The following C12orf42 variants were observed in gnomAD, a reference collection of about 807,000 sequenced individuals.
C12orf42 encodes the protein chromosome 12 open reading frame 42, also known as uncharacterized protein C12orf42.
A neutral mutation model predicts 21.6 loss-of-function variants in C12orf42; 25 were observed. The observed-to-expected ratio is 1.16, with a 90% CI of 0.84 to 1.62. The LOEUF is 1.62. C12orf42 is among the 40% of genes most tolerant of loss of function. The pLI, the probability that C12orf42 is intolerant of heterozygous loss-of-function variation, is 0.00. For synonymous variants in C12orf42, 174 were observed against 175.0 expected, an observed-to-expected ratio of 0.99 and a Z score of 0.05; for missense variants, 483 against 459.3, an observed-to-expected ratio of 1.05 and a Z score of -0.47.
the C12orf42 span, among the ~76,000 whole-genome samples, chr12:103,126,096 G>T: frequency 2.0e-5 from 3 of 152,200 alleles, no homozygotes; most frequent in Non-Finnish European, 4.4e-5. Context: ...GAAAGTGGTG[G>T]CAGGAATTGA....
At chr12:103,426,467 G>A (rs996098653) in intron 2 of C12orf42, among the ~76,000 whole-genome samples, 1 of 152,176 alleles carries the variant, frequency 6.6e-6, no homozygotes, top group African/African-American at 2.4e-5. Context: ...TATGTGAAAA[G>A]ACCAAACCTA....
At chr12:103,174,603 C>T in the C12orf42 span, among the ~76,000 whole-genome samples, 3 of 146,996 alleles carry the variant, frequency 2.0e-5, no homozygotes, top group Non-Finnish European at 3.1e-5. Flanking sequence ...TAATCGCCAA[C>T]CAACGTTCCC....
At chr12:103,179,319 G>A in the C12orf42 span, among the ~76,000 whole-genome samples, 3 of 152,218 alleles carry the variant, frequency 2.0e-5, no homozygotes, top group East Asian at 5.8e-4. Flanking sequence ...ACCCAGAGTG[G>A]TTTGTGGCTA....
At chr12:103,089,350 C>G in the C12orf42 span, among the ~76,000 whole-genome samples, 1 of 152,098 alleles carries the variant, frequency 6.6e-6, no homozygotes, top group Non-Finnish European at 1.5e-5. Flanking sequence ...AATTTTGAGG[C>G]AATTCATTTG....
the C12orf42 span, among the ~76,000 whole-genome samples, chr12:103,563,458 G>C: frequency 6.6e-6 from 1 of 152,186 alleles, no homozygotes; most frequent in Non-Finnish European, 1.5e-5. Context: ...AGTTTTCACT[G>C]CATAACAAAT....
chr12:103,263,988 T>C (rs780604615), downstream of C12orf42, among the ~76,000 whole-genome samples: 2 of 152,198 alleles, frequency 1.3e-5, no homozygotes, highest in Non-Finnish European at 2.9e-5. Flanking sequence ...CCATTGGACC[T>C]GAAATGTAAG....
At chr12:103,482,674 G>A (rs79312508) in intron 1 of C12orf42, among the ~76,000 whole-genome samples, 1,751 of 152,110 alleles carry the variant, frequency 0.012, 28 homozygotes, top group African/African-American at 0.035. Context: ...GGTTTCAGTC[G>A]TTATCTCCTT....
chr12:103,167,919 T>C, the C12orf42 span: 1 of 375,416 alleles, frequency 2.7e-6, no homozygotes, highest in Admixed American at 2.9e-5. Flanking sequence ...TGTGTTTGTG[T>C]CTGTGTGTGT....
At chr12:103,503,970 A>AC in the C12orf42 span, 1 of 154,626 alleles carries the variant, frequency 6.5e-6, no homozygotes, top group Non-Finnish European at 1.5e-5. Flanking sequence ...CCCTATCTAC[A>AC]CCTACATCAG....
chr12:103,383,471 A>C (rs999813130), intron 3 of C12orf42, among the ~76,000 whole-genome samples: 2 of 152,162 alleles, frequency 1.3e-5, no homozygotes, highest in African/African-American at 4.8e-5. Flanking sequence ...CCCAGCTGTT[A>C]AATATATAGG....
intron 10 of C12orf42, among the ~76,000 whole-genome samples, chr12:103,254,623 A>G (rs976141584): frequency 1.3e-5 from 2 of 152,242 alleles, no homozygotes; most frequent in East Asian, 3.9e-4. Flanking sequence ...AGGGACATGG[A>G]TGGAGCTGGA....
At chr12:103,421,000 CT>C (rs747440748) in intron 2 of C12orf42, among the ~76,000 whole-genome samples, 2 of 152,292 alleles carry the variant, frequency 1.3e-5, no homozygotes, top group Middle Eastern at 3.4e-3. Context: ...TTTTCAAAAT[CT>C]TTTATTTTAT....
At chr12:103,271,422 G>T (rs1457375155) in intron 5 of C12orf42, among the ~76,000 whole-genome samples, 1 of 152,134 alleles carries the variant, frequency 6.6e-6, no homozygotes, top group Non-Finnish European at 1.5e-5. Context: ...TTCATACAGG[G>T]TGAGAGGCAA....
intron 3 of C12orf42, among the ~76,000 whole-genome samples, chr12:103,397,023 T>C (rs769081634): frequency 1.3e-5 from 2 of 152,234 alleles, no homozygotes; most frequent in African/African-American, 2.4e-5. Flanking sequence ...TCTGTGTGTC[T>C]ACATCTCAAA....
rs370591324 is a variant in C12orf42, at chr12:103,278,225, G to A, written n.338-1015C>T. On this transcript the variant is annotated intron_variant and non_coding_transcript_variant, in intron 4 of 6. Transcript: ENST00000546526. ...GGGGGCTATGTCTACCAGATGTTAAGGGTTTTTTTAAAACCACCTTAGCCA... is the reference window on the plus strand; with the variant it reads ...GGGGGCTATGTCTACCAGATGTTAAAGGTTTTTTTAAAACCACCTTAGCCA... 5.9e-5 allele frequency among the ~76,000 whole-genome samples: 9 copies of A among 152,168 alleles called. No individual in the cohort carries two copies. In the East Asian group the frequency reaches 1.5e-3, roughly 26 times the overall value.
intron 10 of C12orf42, among the ~76,000 whole-genome samples, chr12:103,256,085 AATATATAT>A (rs1565998064): frequency 1.0e-4 from 6 of 58,936 alleles, no homozygotes; most frequent in Admixed American, 6.0e-4. Flanking sequence ...AAAAAAAAAA[AATATATAT>A]ATATATATAT....
chr12:103,383,269 T>C (rs1332012894), intron 3 of C12orf42, among the ~76,000 whole-genome samples: 3 of 151,966 alleles, frequency 2.0e-5, no homozygotes, highest in African/African-American at 7.3e-5. Flanking sequence ...GCTTGGCTAA[T>C]TTTTTTGTAT....
intron 4 of C12orf42, among the ~76,000 whole-genome samples, chr12:103,352,302 G>A (rs1488599170): frequency 6.6e-6 from 1 of 152,144 alleles, no homozygotes; most frequent in Admixed American, 6.6e-5. Flanking sequence ...TGGAGGGAAG[G>A]AAAGAGGGAT....
chr12:103,203,665 G>C, the C12orf42 span, among the ~76,000 whole-genome samples: 1 of 152,152 alleles, frequency 6.6e-6, no homozygotes, highest in Non-Finnish European at 1.5e-5. Context: ...ATGACAGATT[G>C]GGTTTCCCAA....
Sources: gnomAD v4.1 joint callset for allele counts (sites outside exome capture counted in the v4.1 genomes callset) on GRCh38, gnomAD v4.1.1 for gene constraint, MANE v1.5 for transcripts, NCBI Gene and HGNC (gene_info 2026-07-23, HGNC 2026-07-21) for gene names.